The following GSTCD variants were observed in gnomAD, a reference collection of about 807,000 sequenced individuals.
GSTCD encodes glutathione S-transferase C-terminal domain-containing protein.
Under a neutral mutation model 68.3 loss-of-function variants are expected in GSTCD, and 44 were observed. The ratio of observed to expected loss-of-function variants is 0.64; its 90% CI spans 0.51 to 0.83. The LOEUF is 0.83. GSTCD is among the 40% of genes least tolerant of loss of function. GSTCD has a pLI of 0.00. For synonymous variants in GSTCD, 273 were observed against 255.2 expected, an observed-to-expected ratio of 1.07 and a Z score of -0.67; for missense variants, 739 against 735.9, an observed-to-expected ratio of 1.00 and a Z score of -0.05.
At chr4:105,774,328 A>C (rs1734971439) in intron 5 of GSTCD, among the ~76,000 whole-genome samples, 1 of 152,008 alleles carries the variant, frequency 6.6e-6, no homozygotes, top group African/African-American at 2.4e-5. Context: ...GTGTCTTTTA[A>C]TTGGGGCATT....
intron 6 of GSTCD, 51 bp from the exon 7 acceptor site, chr4:105,823,180 G>T (rs1719791158): frequency 6.2e-7 from 1 of 1,603,452 alleles, no homozygotes; most frequent in South Asian, 1.1e-5. Context: ...TCAGAATGAG[G>T]AAAAGCTGTG....
Position 105,825,692 on chromosome 4 carries a change from G to C in GSTCD, c.1422G>C (p.Lys474Asn). ...TCTAGGTTACATTAATAGAAAACAA[G>C]GAATTATCATTAATTCGTGCTAAGA... The part of the protein sequence containing the change: ...PSCQVTLIEN[K>N]ELSLIRAKKR... The change falls in exon 8 of 12, where the codon AAG becomes AAC. Residue 474 changes from lysine to asparagine, a missense_variant. Transcript: ENST00000515279. 6.6e-7 allele frequency: 1 copy of C among 1,504,928 alleles called. No individual in the cohort carries two copies. The highest frequency in any genetic ancestry group is 2.3e-5 in the East Asian group (1 of 44,042). 93.2% of individuals were successfully genotyped at this position (1,504,928 alleles called of 1,614,324 possible). A position where few individuals can be genotyped will look rare whatever the true frequency, so the allele number is the denominator to read the frequency against.
At chr4:105,784,091 A>C (rs1213715181) in intron 5 of GSTCD, among the ~76,000 whole-genome samples, 2 of 152,168 alleles carry the variant, frequency 1.3e-5, no homozygotes, top group Non-Finnish European at 2.9e-5. Flanking sequence ...CTGTAATGTT[A>C]CTGTTTTTTA....
chr4:105,723,594 CTG>C (rs1286965710), intron 3 of GSTCD, among the ~76,000 whole-genome samples: 1 of 151,770 alleles, frequency 6.6e-6, no homozygotes, highest in Non-Finnish European at 1.5e-5. Flanking sequence ...GTATGAGTAT[CTG>C]TGGATTTGGG....
chr4:105,822,467 A>C (rs1723350469), intron 5 of GSTCD, among the ~76,000 whole-genome samples: 1 of 152,140 alleles, frequency 6.6e-6, no homozygotes. Flanking sequence ...ATTAAACAAT[A>C]AAAATATTTT....
At chr4:105,828,740 G>A (rs545206336) in intron 8 of GSTCD, among the ~76,000 whole-genome samples, 1 of 152,286 alleles carries the variant, frequency 6.6e-6, no homozygotes, top group Non-Finnish European at 1.5e-5. Context: ...AAACCACTTT[G>A]CTCCCACAGA....
At chr4:105,744,057 G>A (rs972480802) in intron 5 of GSTCD, among the ~76,000 whole-genome samples, 1 of 152,126 alleles carries the variant, frequency 6.6e-6, no homozygotes, top group Non-Finnish European at 1.5e-5. Context: ...GCAGATTTTG[G>A]CACATTTAGT....
intron 5 of GSTCD, among the ~76,000 whole-genome samples, chr4:105,777,198 A>G (rs1479039753): frequency 6.6e-6 from 1 of 152,242 alleles, no homozygotes; most frequent in Non-Finnish European, 1.5e-5. Context: ...CTGGCACCTA[A>G]GGATAGTGAA....
chr4:105,794,443 A>G (rs1373610236), intron 5 of GSTCD, among the ~76,000 whole-genome samples: 1 of 152,060 alleles, frequency 6.6e-6, no homozygotes, highest in Non-Finnish European at 1.5e-5. Context: ...GTTCATCACT[A>G]TTAACAAAGG....
intron 8 of GSTCD, among the ~76,000 whole-genome samples, chr4:105,831,419 A>G (rs1042975217): frequency 5.3e-5 from 8 of 152,214 alleles, no homozygotes; most frequent in Non-Finnish European, 7.3e-5. Flanking sequence ...GTTTACTTCC[A>G]TATCTAAAGA....
intron 4 of GSTCD, among the ~76,000 whole-genome samples, chr4:105,728,405 A>G (rs1733110956): frequency 6.6e-6 from 1 of 152,160 alleles, no homozygotes; most frequent in African/African-American, 2.4e-5. Flanking sequence ...ACTGAAGAAG[A>G]TAGAAGAGAG....
At chr4:105,777,316 T>C (rs1735110849) in intron 5 of GSTCD, among the ~76,000 whole-genome samples, 1 of 152,164 alleles carries the variant, frequency 6.6e-6, no homozygotes, top group South Asian at 2.1e-4. Context: ...ATGCTTATCT[T>C]TCTGATATTA....
chr4:105,755,934 G>A (rs1421247820), intron 5 of GSTCD, among the ~76,000 whole-genome samples: 2 of 150,210 alleles, frequency 1.3e-5, no homozygotes, highest in African/African-American at 2.5e-5. Flanking sequence ...GTATCACCAT[G>A]TGATATGGGT....
intron 11 of GSTCD, among the ~76,000 whole-genome samples, chr4:105,845,052 A>G (rs1385789891): frequency 6.6e-6 from 1 of 152,220 alleles, no homozygotes; most frequent in Non-Finnish European, 1.5e-5. Context: ...ATGTTATTTT[A>G]AATATTCTTA....
At chr4:105,820,488 A>C (rs1215688319) in intron 5 of GSTCD, 2 of 151,870 alleles carry the variant, frequency 1.3e-5, no homozygotes, top group Non-Finnish European at 3.0e-5. Flanking sequence ...TAAAAATAGA[A>C]AGTAGGATTT....
Position 105,729,415 on chromosome 4 carries a change from A to G in GSTCD, c.1156A>G (p.Ile386Val), listed in dbSNP as rs1733152180. 1 of 1,605,246 alleles carries G rather than the reference A, an allele frequency of 6.2e-7. No homozygotes were observed. Among genetic ancestry groups the G allele is most frequent in the Non-Finnish European group, 8.5e-7 (1 of 1,173,572 alleles). Residue 386 changes from isoleucine to valine, a missense_variant, in exon 5 of 12, where the codon ATT (isoleucine) becomes GTT (valine). By Grantham distance (29) the Ile-to-Val change is conservative. Coordinates refer to ENST00000515279, the MANE Select transcript of GSTCD (RefSeq NM_001370181.1). The part of the protein sequence containing the change: ...PTMAKLMEKG[I>V]EVMFSPHPCP... ...CTATTTCCTTTTCTAGGAAAAGGGC[A>G]TTGAAGTGATGTTTTCTCCCCACCC...
chr4:105,722,047 A>T (rs1345151420), intron 3 of GSTCD, among the ~76,000 whole-genome samples: 2 of 152,122 alleles, frequency 1.3e-5, no homozygotes, highest in African/African-American at 4.8e-5. Context: ...AATATTTAAA[A>T]CATTATTGTA....
At chr4:105,798,432 A>G (rs79118339) in intron 5 of GSTCD, among the ~76,000 whole-genome samples, 17,914 of 151,822 alleles carry the variant, frequency 0.12, 1,604 homozygotes, top group African/African-American at 0.25. Flanking sequence ...AAGGTTTTCA[A>G]ATTACTTTGC....
In GSTCD at chr4:105,843,140, C is replaced by T. The variant is rs145450904; in HGVS notation, c.1765+1006C>T. On this transcript the variant is annotated intron_variant, in intron 11 of 11. Transcript: ENST00000515279. ...GTTAGCTTACATTCAGAGACCAAGT[C>T]GTATGAGAAATCCTTATCTTTAAAC... 3.3e-3 allele frequency among the ~76,000 whole-genome samples: 509 copies of T among 152,244 alleles called. 2 individuals carry two copies. Among genetic ancestry groups the T allele is most frequent in the Non-Finnish European group, 5.3e-3 (362 of 68,028 alleles).
Sources: gnomAD v4.1 joint callset for allele counts (sites outside exome capture counted in the v4.1 genomes callset) on GRCh38, gnomAD v4.1.1 for gene constraint, MANE v1.5 for transcripts, NCBI Gene and HGNC (gene_info 2026-07-23, HGNC 2026-07-21) for gene names.